ST6GALNAC5: variants seen among roughly 807,000 people sequenced by gnomAD.
ST6GALNAC5 encodes the protein alpha-N-acetylgalactosaminide alpha-2,6-sialyltransferase 5.
A neutral mutation model predicts 33.6 loss-of-function variants in ST6GALNAC5; 27 were observed. That is an observed-to-expected ratio of 0.80 (90% CI 0.59 to 1.11). ST6GALNAC5 has a LOEUF of 1.11. ST6GALNAC5 is among the 50% of genes least tolerant of loss of function. The probability of loss-of-function intolerance (pLI) is 0.00; values close to 1 mark genes in which losing one functional copy is unlikely to be tolerated. For synonymous variants in ST6GALNAC5, 194 were observed against 171.2 expected, an observed-to-expected ratio of 1.13 and a Z score of -1.04; for missense variants, 428 against 454.0, an observed-to-expected ratio of 0.94 and a Z score of 0.52.
At chr1:76,968,663 T>C (rs7514097) in intron 2 of ST6GALNAC5, among the ~76,000 whole-genome samples, 57,002 of 152,064 alleles carry the variant, frequency 0.37, 13,170 homozygotes, top group East Asian at 0.64. Context: ...TTGATGCAGT[T>C]TCTTCCTAGC....
At chr1:77,049,720 C>T (rs1263370335) in intron 3 of ST6GALNAC5, among the ~76,000 whole-genome samples, 2 of 152,124 alleles carry the variant, frequency 1.3e-5, no homozygotes, top group East Asian at 1.9e-4. Context: ...ACCCTTCTTA[C>T]GGAAAGATAT....
intron 4 of ST6GALNAC5, among the ~76,000 whole-genome samples, chr1:77,051,183 T>C (rs1455702004): frequency 6.6e-6 from 1 of 152,220 alleles, no homozygotes; most frequent in Non-Finnish European, 1.5e-5. Context: ...TATTTGTTTA[T>C]TTTTTCTAAC....
chr1:77,002,456 A>G (rs892203519), intron 2 of ST6GALNAC5, among the ~76,000 whole-genome samples: 2 of 151,314 alleles, frequency 1.3e-5, no homozygotes, highest in Admixed American at 6.6e-5. Context: ...TGGATTCATT[A>G]ATTTTTTGAA....
intron 2 of ST6GALNAC5, among the ~76,000 whole-genome samples, chr1:76,870,760 A>C (rs1171368512): frequency 6.6e-6 from 1 of 152,176 alleles, no homozygotes; most frequent in Non-Finnish European, 1.5e-5. Context: ...CTAGTAGAAG[A>C]AGGTCTTTGG....
At chr1:77,028,261 C>A (rs1346434173) in intron 2 of ST6GALNAC5, among the ~76,000 whole-genome samples, 1 of 152,200 alleles carries the variant, frequency 6.6e-6, no homozygotes, top group East Asian at 1.9e-4. Flanking sequence ...CAGAGAAATT[C>A]ACTAAGTCTT....
At chr1:76,935,517 A>G (rs986288796) in intron 2 of ST6GALNAC5, among the ~76,000 whole-genome samples, 5 of 152,092 alleles carry the variant, frequency 3.3e-5, no homozygotes, top group Admixed American at 3.3e-4. Flanking sequence ...GGTGCAGATT[A>G]CAAGTTAATT....
intron 2 of ST6GALNAC5, among the ~76,000 whole-genome samples, chr1:76,944,609 T>G (rs895725941): frequency 6.6e-6 from 1 of 151,920 alleles, no homozygotes; most frequent in East Asian, 1.9e-4. Flanking sequence ...AATGAATGAG[T>G]GAATGAATGA....
chr1:77,052,188 C>G (rs1557775559), intron 4 of ST6GALNAC5, among the ~76,000 whole-genome samples: 1 of 152,202 alleles, frequency 6.6e-6, no homozygotes, highest in African/African-American at 2.4e-5. Flanking sequence ...CAAAAGGACC[C>G]CTACGCCCAA....
At chr1:76,956,651 G>A (rs1420132859) in intron 2 of ST6GALNAC5, among the ~76,000 whole-genome samples, 4 of 152,094 alleles carry the variant, frequency 2.6e-5, no homozygotes, top group Admixed American at 2.6e-4. Context: ...TGTCAGTGGA[G>A]GAACTGTTTT....
At chr1:76,875,153 C>G (rs1056939865) in intron 2 of ST6GALNAC5, among the ~76,000 whole-genome samples, 4 of 152,198 alleles carry the variant, frequency 2.6e-5, no homozygotes, top group Non-Finnish European at 5.9e-5. Flanking sequence ...CTCGTTTCTG[C>G]AGCTGCTCAA....
At chr1:76,893,627 A>G (rs1275566278) in intron 2 of ST6GALNAC5, among the ~76,000 whole-genome samples, 2 of 152,150 alleles carry the variant, frequency 1.3e-5, no homozygotes, top group Non-Finnish European at 2.9e-5. Flanking sequence ...CCATCAATAG[A>G]AGACACTATC....
intron 2 of ST6GALNAC5, among the ~76,000 whole-genome samples, chr1:76,914,610 A>C (rs560757216): frequency 6.6e-6 from 1 of 152,336 alleles, no homozygotes; most frequent in African/African-American, 2.4e-5. Flanking sequence ...CTATTTAATA[A>C]ATGGTGCTGG....
At chr1:76,970,864 T>C (rs2100365057) in intron 2 of ST6GALNAC5, among the ~76,000 whole-genome samples, 1 of 152,334 alleles carries the variant, frequency 6.6e-6, no homozygotes, top group East Asian at 1.9e-4. Context: ...TTGAATTCTT[T>C]TTGATGTGTT....
chr1:77,046,898 A>G (rs908511626), intron 3 of ST6GALNAC5, among the ~76,000 whole-genome samples: 10 of 152,208 alleles, frequency 6.6e-5, no homozygotes, highest in Non-Finnish European at 1.2e-4. Context: ...TTTTAAGCTG[A>G]TAAGTTAGAT....
Position 76,962,163 on chromosome 1 carries a change from GAGAC to G in ST6GALNAC5, c.262-82037_262-82034del, listed in dbSNP as rs763059128. Among the ~76,000 whole-genome samples the G allele has an allele frequency of 2.6e-5, 4 of 152,292 alleles. No individual in the cohort carries two copies. In the South Asian group the frequency reaches 8.3e-4, roughly 32 times the overall value. Reference sequence around the variant, plus strand: ...TACAACTGAATATATACATAGCTGAGAGACAGATGGAATAACTAAGATGAAAGTT... The same window carrying G: ...TACAACTGAATATATACATAGCTGAGAGATGGAATAACTAAGATGAAAGTT... On this transcript the variant is annotated intron_variant, in intron 2 of 4. Coordinates refer to ENST00000477717, the MANE Select transcript of ST6GALNAC5 (RefSeq NM_030965.3).
chr1:77,003,751 A>G (rs1650271252), intron 2 of ST6GALNAC5, among the ~76,000 whole-genome samples: 1 of 150,672 alleles, frequency 6.6e-6, no homozygotes. Context: ...TCACTTATGA[A>G]GCTTAGTTTG....
intron 2 of ST6GALNAC5, among the ~76,000 whole-genome samples, chr1:77,039,821 T>G (rs1651774615): frequency 6.6e-6 from 1 of 152,156 alleles, no homozygotes; most frequent in Non-Finnish European, 1.5e-5. Context: ...AAGGCCTTGC[T>G]CAGCGGAGAG....
intron 4 of ST6GALNAC5, among the ~76,000 whole-genome samples, 162 bp downstream of exon 4, chr1:77,050,527 T>C (rs1652185137): frequency 2.0e-5 from 3 of 152,242 alleles, no homozygotes; most frequent in Non-Finnish European, 4.4e-5. Context: ...AGCATTTAAT[T>C]ATGTTATATA....
chr1:77,020,143 A>T (rs1408285861), intron 2 of ST6GALNAC5, among the ~76,000 whole-genome samples: 4 of 152,214 alleles, frequency 2.6e-5, no homozygotes, highest in Non-Finnish European at 4.4e-5. Context: ...TGAGCTGTAA[A>T]TTGGGCATGC....
Sources: allele counts gnomAD v4.1 joint callset (sites outside exome capture counted in the v4.1 genomes callset), GRCh38; gene constraint gnomAD v4.1.1; transcripts MANE v1.5; gene names NCBI Gene and HGNC (gene_info 2026-07-23, HGNC 2026-07-21).